The following ARMC2 variants were observed in gnomAD, a reference collection of about 807,000 sequenced individuals.
The protein encoded by ARMC2 is armadillo repeat containing 2, also known as armadillo repeat-containing protein 2.
ARMC2 carries 67 observed loss-of-function variants against 90.3 expected under a neutral mutation model. The observed-to-expected ratio is 0.74, with a 90% CI of 0.61 to 0.91. ARMC2 has a LOEUF of 0.91. Among genes scored for constraint, ARMC2 ranks in the 40% least tolerant of loss-of-function variants. ARMC2 has a pLI of 0.00. For synonymous variants in ARMC2, 393 were observed against 393.0 expected, an observed-to-expected ratio of 1.00 and a Z score of 0.00; for missense variants, 920 against 1,030.9, an observed-to-expected ratio of 0.89 and a Z score of 1.47.
Position 108,868,866 on chromosome 6 carries a change from T to C in ARMC2, c.334T>C (p.Cys112Arg). 1 of 1,613,970 alleles carries C rather than the reference T, an allele frequency of 6.2e-7. No homozygotes were observed. Among genetic ancestry groups the C allele is most frequent in the Non-Finnish European group, 8.5e-7 (1 of 1,179,864 alleles). ...PASPTREEDS[C>R]FSFPKPPVDP... ...ATCTCCCACCAGAGAGGAGGATTCC[T>C]GCTTTTCCTTTCCTAAGCCCCCAGT... The change falls in exon 4 of 18, where the codon TGC becomes CGC. Residue 112 changes from cysteine (C) to arginine (R), a missense_variant. Physicochemically the swap from Cys to Arg is radical, Grantham distance 180. Transcript: ENST00000392644.
intron 4 of ARMC2, among the ~76,000 whole-genome samples, chr6:108,869,970 G>A (rs985136522): frequency 5.9e-5 from 9 of 152,168 alleles, no homozygotes; most frequent in African/African-American, 2.2e-4. Context: ...ACACGATAGG[G>A]GTAAGTATTG....
intron 10 of ARMC2, among the ~76,000 whole-genome samples, chr6:108,917,654 A>G (rs891635454): frequency 6.6e-6 from 1 of 152,004 alleles, no homozygotes; most frequent in East Asian, 1.9e-4. Context: ...AAATTTTAAT[A>G]TATATTTTTT....
chr6:109,034,245 T>C, the ARMC2 span, among the ~76,000 whole-genome samples: 1 of 152,242 alleles, frequency 6.6e-6, no homozygotes, highest in South Asian at 2.1e-4. Flanking sequence ...TTGAATAATA[T>C]GTATTTGAGA....
Position 108,929,243 on chromosome 6 carries a change from G to A in ARMC2, c.1496+1010G>A, listed in dbSNP as rs79680301. On this transcript the variant is annotated intron_variant, in intron 11 of 17. Transcript: ENST00000392644. ...GTAGAATCATAAGGAATTTATTTTT[G>A]TTTATAGTGTCATGTAGGGGTCCAA... is the stretch of plus-strand genomic sequence containing the variant. Among the ~76,000 whole-genome samples the A allele has an allele frequency of 4.2e-4, 64 of 151,806 alleles. No individual in the cohort carries two copies. In the East Asian group the frequency reaches 0.01, roughly 24 times the overall value.
the ARMC2 span, among the ~76,000 whole-genome samples, chr6:109,004,859 T>C: frequency 2.0e-3 from 307 of 152,338 alleles, no homozygotes; most frequent in Non-Finnish European, 3.0e-3. Context: ...TCCAAAAAGA[T>C]TGCTTAAGAT....
intron 10 of ARMC2, 22 bp from the exon 11 acceptor site, chr6:108,928,066 C>T: frequency 6.3e-7 from 1 of 1,580,116 alleles, no homozygotes; most frequent in Non-Finnish European, 8.6e-7. Context: ...AAAAAAATGG[C>T]ACAAGCATGC....
At chr6:108,852,099 G>A (rs1179277433) in intron 1 of ARMC2, among the ~76,000 whole-genome samples, 1 of 152,078 alleles carries the variant, frequency 6.6e-6, no homozygotes, top group Non-Finnish European at 1.5e-5. Context: ...TTATGGTTCA[G>A]GTATACTTTA....
intron 13 of ARMC2, among the ~76,000 whole-genome samples, chr6:108,957,197 A>G (rs921344753): frequency 2.0e-5 from 3 of 152,206 alleles, no homozygotes; most frequent in Middle Eastern, 3.2e-3. Flanking sequence ...TCTCTCCTGA[A>G]AGACTTTATC....
the ARMC2 span, among the ~76,000 whole-genome samples, chr6:108,995,993 C>T: frequency 4.6e-5 from 7 of 152,236 alleles, no homozygotes; most frequent in East Asian, 1.4e-3. Flanking sequence ...TCTAACACAA[C>T]CCTCTCCTCT....
the ARMC2 span, chr6:109,009,287 G>A: frequency 1.5e-6 from 2 of 1,347,638 alleles, no homozygotes; most frequent in Non-Finnish European, 1.9e-6. Flanking sequence ...CCTCCGTGTT[G>A]CACAGGGCAG....
downstream of ARMC2, among the ~76,000 whole-genome samples, chr6:108,978,082 T>A (rs1349408290): frequency 7.9e-5 from 12 of 152,228 alleles, no homozygotes; most frequent in Non-Finnish European, 1.6e-4. Flanking sequence ...TTCTTTTAGT[T>A]GTGATGTTAG....
At chr6:108,900,674 C>T (rs548251946) in intron 7 of ARMC2, among the ~76,000 whole-genome samples, 4 of 152,312 alleles carry the variant, frequency 2.6e-5, no homozygotes, top group Non-Finnish European at 5.9e-5. Context: ...CCTCTGCTCC[C>T]CATTGGTGCT....
At chr6:109,009,519 G>A in the ARMC2 span, 38 of 1,190,064 alleles carry the variant, frequency 3.2e-5, no homozygotes, top group Non-Finnish European at 3.6e-5. Context: ...AGCCGGCCGC[G>A]GCTCCTGGCT....
intron 14 of ARMC2, 95 bp downstream of exon 14, chr6:108,961,789 C>T (rs1325335216): frequency 3.7e-6 from 5 of 1,365,576 alleles, no homozygotes; most frequent in Admixed American, 2.4e-5. Context: ...CTATCTTCTG[C>T]CTTCTGGTAC....
the ARMC2 span, among the ~76,000 whole-genome samples, chr6:109,032,831 A>AT: frequency 1.4e-4 from 21 of 152,120 alleles, no homozygotes; most frequent in Admixed American, 1.2e-3. Flanking sequence ...TTTTATAGCC[A>AT]TTGCTTGAGG....
intron 3 of ARMC2, among the ~76,000 whole-genome samples, chr6:108,861,785 C>A (rs960731879): frequency 6.6e-6 from 1 of 152,076 alleles, no homozygotes; most frequent in South Asian, 2.1e-4. Flanking sequence ...GCTCTTTATT[C>A]TATGATTCTG....
chr6:108,906,754 G>A lies in ARMC2; in HGVS notation c.1023+2349G>A, dbSNP rs1415166130. Among the ~76,000 whole-genome samples the A allele has an allele frequency of 2.6e-5, 4 of 152,130 alleles. 1 individual carries two copies. Among genetic ancestry groups the A allele is most frequent in the African/African-American group, 9.7e-5 (4 of 41,424 alleles). On this transcript the variant is annotated intron_variant, in intron 8 of 17. Transcript: ENST00000392644. ...CCCACTTTGGCCTCCCAAAGTGCTG[G>A]GATTACAGGTGTGAGCCACTGCACC...
Position 108,912,356 on chromosome 6 carries a change from G to C in ARMC2, c.1148G>C (p.Arg383Thr), listed in dbSNP as rs200946113. ...ACAGAATCATTATTGGAGGTACTAAGAAGTGAAGACCTGCAAACTAACATG... is the reference window on the plus strand; with the variant it reads ...ACAGAATCATTATTGGAGGTACTAACAAGTGAAGACCTGCAAACTAACATG... The part of the protein sequence containing the change: ...SILESLLEVL[R>T]SEDLQTNMEA... Residue 383 changes from arginine to threonine, a missense_variant, in exon 10 of 18, where the codon AGA (arginine) becomes ACA (threonine). Arg to Thr is a moderately conservative substitution (Grantham distance 71). Coordinates refer to ENST00000392644, the MANE Select transcript of ARMC2 (RefSeq NM_032131.6). 8.3e-5 allele frequency: 134 copies of C among 1,607,840 alleles called. No individual in the cohort carries two copies. Among genetic ancestry groups the C allele is most frequent in the Non-Finnish European group, 1.1e-4 (129 of 1,177,370 alleles).
At chr6:108,904,657 AAAAGAAG>A (rs1583063059) in intron 8 of ARMC2, among the ~76,000 whole-genome samples, 1 of 150,990 alleles carries the variant, frequency 6.6e-6, no homozygotes, top group South Asian at 2.1e-4. Context: ...AAAAAAAAAA[AAAAGAAG>A]AAGAAGAAGG....
Sources: allele counts gnomAD v4.1 joint callset (sites outside exome capture counted in the v4.1 genomes callset), GRCh38; gene constraint gnomAD v4.1.1; transcripts MANE v1.5; gene names NCBI Gene and HGNC (gene_info 2026-07-23, HGNC 2026-07-21).